The following DNAJC10 variants were observed in gnomAD, a reference collection of about 807,000 sequenced individuals.
DNAJC10 encodes endoplasmic reticulum disulfide reductase DNAJC10.
In DNAJC10, 101 loss-of-function variants were observed where a neutral mutation model predicts 115.0. The observed-to-expected ratio is 0.88, with a 90% CI of 0.75 to 1.04. The LOEUF (loss-of-function observed/expected upper bound fraction) is 1.04, where lower values mean the gene tolerates loss of function less well. Ranked by LOEUF, DNAJC10 falls within the 50% of genes least tolerant of loss-of-function variation. DNAJC10 has a pLI of 0.00. For synonymous variants in DNAJC10, 307 were observed against 301.5 expected, an observed-to-expected ratio of 1.02 and a Z score of -0.19; for missense variants, 981 against 928.8, an observed-to-expected ratio of 1.06 and a Z score of -0.73.
Position 182,788,825 on chromosome 2 carries a change from C to T in DNAJC10, c.*11693C>T, listed in dbSNP as rs2105729188. 4.4e-6 allele frequency: 2 copies of T among 456,330 alleles called. No individual in the cohort carries two copies. Among genetic ancestry groups the T allele is most frequent in the South Asian group, 3.1e-5 (2 of 64,280 alleles). 28.3% of individuals were successfully genotyped at this position (456,330 alleles called of 1,614,324 possible). On this transcript the variant is annotated 3_prime_UTR_variant, in exon 24 of 24. Coordinates refer to ENST00000264065, the MANE Select transcript of DNAJC10 (RefSeq NM_018981.4). ...ACTTTATGATCACTTAGTATGTCTA[C>T]GGATTTTTTGGGGAAGAGAGATTTC...
chr2:182,774,931 G>A (rs549333480), intron 22 of DNAJC10, among the ~76,000 whole-genome samples: 4 of 152,232 alleles, frequency 2.6e-5, no homozygotes, highest in Admixed American at 6.5e-5. Context: ...GAAATCACCT[G>A]TCTTCTGTGT....
At chr2:182,729,539 A>G (rs776246565) in intron 7 of DNAJC10, among the ~76,000 whole-genome samples, 6 of 152,230 alleles carry the variant, frequency 3.9e-5, no homozygotes, top group Admixed American at 3.9e-4. Context: ...TACAATATGT[A>G]TATTGTATTT....
chr2:182,741,416 A>G (rs1419321591), intron 13 of DNAJC10, 60 bp downstream of exon 13: 3 of 743,360 alleles, frequency 4.0e-6, no homozygotes, highest in East Asian at 6.3e-5. Context: ...AATTTAATGC[A>G]TATAATTAAA....
At chr2:182,739,653 A>G in intron 11 of DNAJC10, 2 of 1,104,660 alleles carry the variant, frequency 1.8e-6, no homozygotes, top group Non-Finnish European at 2.2e-6. Flanking sequence ...GGCCTTTTAT[A>G]CTCGTTTGTG....
rs981500310 is a variant in DNAJC10 at position 182,779,419 on chromosome 2, A to G, written c.*2287A>G. Reference sequence around the variant, plus strand: ...CTGACCAAAGCACATTCTATCAGGCAGCCAGGCTTGGAAATTAGGTCCATT... The same window carrying G: ...CTGACCAAAGCACATTCTATCAGGCGGCCAGGCTTGGAAATTAGGTCCATT... On this transcript the variant is annotated 3_prime_UTR_variant, in exon 24 of 24. Coordinates refer to ENST00000264065, the MANE Select transcript of DNAJC10 (RefSeq NM_018981.4). 1.2e-4 allele frequency: 19 copies of G among 152,326 alleles called. No homozygotes were observed. The highest frequency in any genetic ancestry group is 5.9e-5 in the Non-Finnish European group (4 of 68,038). 9.4% of individuals were successfully genotyped at this position (152,326 alleles called of 1,614,324 possible). A position where few individuals can be genotyped will look rare whatever the true frequency, so the allele number is the denominator to read the frequency against.
intron 20 of DNAJC10, 85 bp downstream of exon 20, chr2:182,758,975 G>T: frequency 8.4e-7 from 1 of 1,194,968 alleles, no homozygotes. Context: ...AATTTACTGT[G>T]GGTTAAGGTT....
chr2:182,728,596 G>T lies in DNAJC10; in HGVS notation c.439G>T (p.Glu147Ter), dbSNP rs1169978434. The change falls in exon 6 of 24, where the codon GAA (glutamate) becomes TAA (stop). Residue 147 changes from glutamate (E) to a stop codon, truncating the protein, a stop_gained. Coordinates refer to ENST00000264065, the MANE Select transcript of DNAJC10 (RefSeq NM_018981.4). LOFTEE classifies it high-confidence loss of function. ...TTTAGATGCTGCTGTTAATTCTGGA[G>T]AACTGTGGTTTGTAAATTTTTACTC... ...REFDAAVNSG[E>*]LWFVNFYSPG... 6.2e-7 allele frequency: 1 copy of T among 1,611,354 alleles called. No individual in the cohort carries two copies. The highest frequency in any genetic ancestry group is 8.5e-7 in the Non-Finnish European group (1 of 1,178,278).
intron 22 of DNAJC10, among the ~76,000 whole-genome samples, chr2:182,764,153 GCCAATCA>G (rs1694354356): frequency 6.6e-6 from 1 of 152,118 alleles, no homozygotes; most frequent in South Asian, 2.1e-4. Context: ...GAATTATATT[GCCAATCA>G]CAATGTAAAT....
rs917527462 is a variant in DNAJC10 at position 182,785,807 on chromosome 2, C to CAT, written c.*8684_*8685dup. ...TCTATAGAGACAGTAGGATATATTT[C>CAT]ATATATATATGAAACAGTTGGGGAA... On this transcript the variant is annotated 3_prime_UTR_variant, in exon 24 of 24. Coordinates refer to ENST00000264065, the MANE Select transcript of DNAJC10 (RefSeq NM_018981.4). 1 of 151,952 alleles carries CAT rather than the reference C, an allele frequency of 6.6e-6. No homozygotes were observed. Among genetic ancestry groups the CAT allele is most frequent in the Non-Finnish European group, 1.5e-5 (1 of 67,988 alleles). The allele number at this position is 151,952 out of a possible 1,614,324, so 9.4% of individuals were successfully genotyped here.
chr2:182,728,549 A>G (rs762166389), intron 5 of DNAJC10, 27 bp from the exon 6 acceptor site: 21 of 1,517,728 alleles, frequency 1.4e-5, no homozygotes, highest in Non-Finnish European at 1.9e-5. Flanking sequence ...AATAATTCTA[A>G]GTTGTTTGCA....
At chr2:182,767,736 G>A (rs1485716489) in intron 22 of DNAJC10, among the ~76,000 whole-genome samples, 1 of 152,116 alleles carries the variant, frequency 6.6e-6, no homozygotes, top group Non-Finnish European at 1.5e-5. Context: ...AGTATTTATT[G>A]AAAGAGCTTG....
rs1293689375 is a variant in DNAJC10 at position 182,755,004 on chromosome 2, A to G, written c.1553A>G (p.Tyr518Cys). ...AATTCATATTCTCCTTCCTATCAGT[A>G]TAACATTCAGGCTTATCCAACAACA... ...CTVHEGLCNM[Y>C]NIQAYPTTVV... Residue 518 changes from tyrosine (Y) to cysteine (C), a missense_variant and splice_region_variant, in exon 17 of 24, where the codon TAT becomes TGT. Tyr to Cys is a radical substitution (Grantham distance 194). Coordinates refer to ENST00000264065, the MANE Select transcript of DNAJC10 (RefSeq NM_018981.4). 3 of 1,576,058 alleles carry G rather than the reference A, an allele frequency of 1.9e-6. No homozygotes were observed. Among genetic ancestry groups the G allele is most frequent in the East Asian group, 4.5e-5 (2 of 44,540 alleles).
intron 12 of DNAJC10, 119 bp downstream of exon 12, chr2:182,740,507 C>A: frequency 1.0e-6 from 1 of 977,176 alleles, no homozygotes; most frequent in Non-Finnish European, 1.4e-6. Context: ...GTAGCAGTTT[C>A]AAAGGATTAT....
chr2:182,746,265 C>G (rs1294410454), intron 14 of DNAJC10, among the ~76,000 whole-genome samples: 1 of 152,182 alleles, frequency 6.6e-6, no homozygotes. Context: ...AATGGGATGG[C>G]TGGGTCAAAT....
Position 182,777,154 on chromosome 2 carries a change from A to G in DNAJC10, c.*22A>G. 7.3e-7 allele frequency: 1 copy of G among 1,368,058 alleles called. No individual in the cohort carries two copies. Among genetic ancestry groups the G allele is most frequent in the Non-Finnish European group, 9.9e-7 (1 of 1,012,034 alleles). The allele number at this position is 1,368,058 out of a possible 1,614,324, so 84.7% of individuals were successfully genotyped here. On this transcript the variant is annotated 3_prime_UTR_variant, in exon 24 of 24. Transcript: ENST00000264065. ...TTGATAATGTTGAAGATGAAGAAAA[A>G]GTTTAAAAGAAATTCTGACAGATGA...
chr2:182,742,470 G>A (rs1255954444), intron 13 of DNAJC10, among the ~76,000 whole-genome samples: 4 of 152,066 alleles, frequency 2.6e-5, no homozygotes, highest in South Asian at 2.1e-4. Context: ...GATTACAGGC[G>A]TGAGCCACCA....
intron 22 of DNAJC10, among the ~76,000 whole-genome samples, chr2:182,769,678 T>A (rs1028227574): frequency 5.3e-5 from 8 of 152,176 alleles, no homozygotes; most frequent in South Asian, 2.1e-4. Flanking sequence ...GGTTTTTTTT[T>A]ATTGTAAATT....
chr2:182,741,461 T>G lies in DNAJC10; in HGVS notation c.1191+105T>G. The G allele has an allele frequency of 7.2e-6, 4 of 553,556 alleles. No homozygotes were observed. In the Admixed American group the frequency reaches 1.2e-4, roughly 17 times the overall value. 34.3% of individuals were successfully genotyped at this position (553,556 alleles called of 1,614,324 possible). Reference sequence around the variant, plus strand: ...ACATAAAAACTCTTATTTGAAATTATAAGAAGCCTATAAGTGCTTTTAGTC... The same window carrying G: ...ACATAAAAACTCTTATTTGAAATTAGAAGAAGCCTATAAGTGCTTTTAGTC... On this transcript the variant is annotated intron_variant, in intron 13 of 23. Coordinates refer to ENST00000264065, the MANE Select transcript of DNAJC10 (RefSeq NM_018981.4).
chr2:182,732,340 A>ATG (rs149871734), intron 9 of DNAJC10, among the ~76,000 whole-genome samples, 159 bp from the exon 10 acceptor site: 93 of 138,862 alleles, frequency 6.7e-4, no homozygotes, highest in South Asian at 2.0e-3. Context: ...GTGTGTTTGT[A>ATG]TGTGTGTGTG....
Sources: allele counts gnomAD v4.1 joint callset (sites outside exome capture counted in the v4.1 genomes callset), GRCh38; gene constraint gnomAD v4.1.1; transcripts MANE v1.5; gene names NCBI Gene and HGNC (gene_info 2026-07-23, HGNC 2026-07-21).